The following NIPAL3 variants were observed in gnomAD, a reference collection of about 807,000 sequenced individuals.
The protein encoded by NIPAL3 is NIPA like domain containing 3.
A neutral mutation model predicts 47.2 loss-of-function variants in NIPAL3; 41 were observed. That is an observed-to-expected ratio of 0.87 (90% confidence interval 0.68 to 1.13). NIPAL3 has a LOEUF of 1.13. NIPAL3 is among the 50% of genes most tolerant of loss of function. NIPAL3 has a pLI of 0.00. For synonymous variants in NIPAL3, 194 were observed against 209.6 expected, an observed-to-expected ratio of 0.93 and a Z score of 0.64; for missense variants, 449 against 530.1, an observed-to-expected ratio of 0.85 and a Z score of 1.50.
chr1:24,428,736 G>A (rs1644744393), intron 2 of NIPAL3, among the ~76,000 whole-genome samples: 1 of 152,170 alleles, frequency 6.6e-6, no homozygotes, highest in South Asian at 2.1e-4. Context: ...TTGATTTTCA[G>A]CGAACCTTCC....
rs756451494 is a variant in NIPAL3 at position 24,419,498 on chromosome 1, G to A, written c.-50G>A. On this transcript the variant is annotated 5_prime_UTR_variant, in exon 2 of 12. Coordinates refer to ENST00000374399, the MANE Select transcript of NIPAL3 (RefSeq NM_020448.5). ...CATCTGGCCTGGGCCCCGCCTAGCA[G>A]CAGCTCCACCTCCTAGGCCAGGCCC... The A allele has an allele frequency of 3.3e-6, 5 of 1,526,232 alleles. No homozygotes were observed. The highest frequency in any genetic ancestry group is 1.2e-5 in the South Asian group (1 of 80,814). The allele number at this position is 1,526,232 out of a possible 1,614,324, so 94.5% of individuals were successfully genotyped here.
intron 5 of NIPAL3, among the ~76,000 whole-genome samples, chr1:24,446,517 A>T (rs1645674328): frequency 6.6e-6 from 1 of 151,048 alleles, no homozygotes; most frequent in Non-Finnish European, 1.5e-5. Context: ...TAAAGTGAGG[A>T]CATGCAGTAT....
chr1:24,455,333 G>C (rs1357777194), intron 7 of NIPAL3, among the ~76,000 whole-genome samples: 1 of 152,234 alleles, frequency 6.6e-6, no homozygotes. Flanking sequence ...GGTACACAGA[G>C]AGAATATTAG....
At position 24,460,496 on chromosome 1, in the gene NIPAL3, T is replaced by G. The variant is rs574811384; in HGVS notation, c.878T>G (p.Leu293Arg). Residue 293 changes from leucine to arginine, a missense_variant, in exon 10 of 12, where the codon CTG (leucine) becomes CGG (arginine). By Grantham distance (102) the Leu-to-Arg change is moderately radical. Transcript: ENST00000374399. ...GCTGCTGCAGGTGCAATATTTTACCTGGACTTCATCGGGGAGGACGTGCTG... is the reference window on the plus strand; with the variant it reads ...GCTGCTGCAGGTGCAATATTTTACCGGGACTTCATCGGGGAGGACGTGCTG... Reference protein sequence around the residue: ...IAITAGAIFYLDFIGEDVLHI... With the variant: ...IAITAGAIFYRDFIGEDVLHI... The G allele has an allele frequency of 6.3e-7, 1 of 1,587,648 alleles. No individual in the cohort carries two copies. The highest frequency in any genetic ancestry group is 8.5e-7 in the Non-Finnish European group (1 of 1,169,864).
intron 9 of NIPAL3, among the ~76,000 whole-genome samples, chr1:24,460,165 T>C (rs1483173352): frequency 6.6e-6 from 1 of 152,200 alleles, no homozygotes; most frequent in Non-Finnish European, 1.5e-5. Flanking sequence ...GATTATGCAC[T>C]GTGGTTATGG....
Position 24,472,812 on chromosome 1 carries a change from T to C in NIPAL3, c.*3627T>C, listed in dbSNP as rs927477757. 6.6e-6 allele frequency: 1 copy of C among 152,168 alleles called. No homozygotes were observed. Among genetic ancestry groups the C allele is most frequent in the Non-Finnish European group, 1.5e-5 (1 of 68,032 alleles). The allele number at this position is 152,168 out of a possible 1,614,324, so 9.4% of individuals were successfully genotyped here. ...AGGCAGACAAAAGGTTACTTGTGTG[T>C]TTCTCTGAGAAGCGGTGTAAATGAA... On this transcript the variant is annotated 3_prime_UTR_variant, in exon 12 of 12. Transcript: ENST00000374399.
At position 24,442,167 on chromosome 1, in the gene NIPAL3, C is replaced by T; in HGVS notation, c.275C>T (p.Ala92Val). ...CTTCTGGGCGAGCTGGGTGTGTTCG[C>T]CTCCTACGCCTTCGCGCCGCTGTCA... ...LMLLGELGVF[A>V]SYAFAPLSLI... The change falls in exon 4 of 12, where the codon GCC becomes GTC. Residue 92 changes from alanine to valine, a missense_variant. Physicochemically the swap from Ala to Val is moderately conservative, Grantham distance 64. Coordinates refer to ENST00000374399, the MANE Select transcript of NIPAL3 (RefSeq NM_020448.5). The T allele has an allele frequency of 6.2e-7, 1 of 1,614,196 alleles. No homozygotes were observed. Among genetic ancestry groups the T allele is most frequent in the Non-Finnish European group, 8.5e-7 (1 of 1,180,022 alleles).
chr1:24,449,605 C>G lies in NIPAL3; in HGVS notation c.519C>G (p.Ser173Arg). The G allele has an allele frequency of 6.2e-7, 1 of 1,613,746 alleles. No homozygotes were observed. Among genetic ancestry groups the G allele is most frequent in the Non-Finnish European group, 8.5e-7 (1 of 1,179,968 alleles). ...TGENVTRHLV[S>R]WPFLLYMLVE... ...AGAATGTCACCAGGCACCTCGTGAG[C>G]TGGCCTTTCCTTTTGTACATGGTAA... The change falls in exon 6 of 12, where the codon AGC becomes AGG. Residue 173 changes from serine (S) to arginine (R), a missense_variant. By Grantham distance (110) the Ser-to-Arg change is moderately radical (BLOSUM62 -1). Transcript: ENST00000374399. The surrounding 1 kb of genome is among the most constrained non-coding windows in gnomAD (Gnocchi z 4.5).
chr1:24,432,373 C>T (rs1340326450), intron 2 of NIPAL3, among the ~76,000 whole-genome samples: 3 of 152,048 alleles, frequency 2.0e-5, no homozygotes, highest in Admixed American at 6.5e-5. Flanking sequence ...GTGATCTGCC[C>T]GCCTCAACCT....
chr1:24,452,369 C>A lies in NIPAL3; in HGVS notation c.541-1039C>A, dbSNP rs186165078. Among the ~76,000 whole-genome samples, 201 of 152,308 alleles carry A rather than the reference C, an allele frequency of 1.3e-3. 2 individuals are homozygous for A. Among genetic ancestry groups the A allele is most frequent in the African/African-American group, 4.6e-3 (191 of 41,554 alleles). ...CTGTCCAGGTTTAAATTCCTCTGTG[C>A]CACGCCATCGTGGTAGTACCTGCTT... On this transcript the variant is annotated intron_variant, in intron 6 of 11. Transcript: ENST00000374399.
intron 8 of NIPAL3, chr1:24,457,949 C>T (rs928752888): frequency 1.2e-5 from 5 of 427,240 alleles, no homozygotes; most frequent in Non-Finnish European, 2.4e-5. Context: ...AGTCAAAGGC[C>T]CTGTGCTGAG....
intron 7 of NIPAL3, among the ~76,000 whole-genome samples, chr1:24,455,387 A>G (rs1188439909): frequency 6.6e-6 from 1 of 152,252 alleles, no homozygotes; most frequent in Non-Finnish European, 1.5e-5. Context: ...ATATTCCTGT[A>G]CAAATTTTAT....
chr1:24,445,214 A>G lies in NIPAL3; in HGVS notation c.364A>G (p.Lys122Glu). ...ASAIIGIIFI[K>E]EKWKPKDFLR... is the part of the protein sequence containing the mutation. Reference sequence around the variant, plus strand: ...TGCCATCATAGGAATCATATTCATCAAGGAAAAGTGGAAACCGAAAGACTT... The same window carrying G: ...TGCCATCATAGGAATCATATTCATCGAGGAAAAGTGGAAACCGAAAGACTT... Residue 122 changes from lysine (K) to glutamate (E), a missense_variant, in exon 5 of 12, where the codon AAG (lysine) becomes GAG (glutamate). By Grantham distance (56) the Lys-to-Glu change is moderately conservative (BLOSUM62 1). Transcript: ENST00000374399. 1 of 1,612,820 alleles carries G rather than the reference A, an allele frequency of 6.2e-7. No individual in the cohort carries two copies. The highest frequency in any genetic ancestry group is 8.5e-7 in the Non-Finnish European group (1 of 1,178,840).
chr1:24,452,232 AG>A (rs1258319650), intron 6 of NIPAL3, among the ~76,000 whole-genome samples: 1 of 152,152 alleles, frequency 6.6e-6, no homozygotes, highest in African/African-American at 2.4e-5. Flanking sequence ...TGTTGATGCA[AG>A]GAGGGGGAGC....
intron 2 of NIPAL3, among the ~76,000 whole-genome samples, chr1:24,429,209 A>G (rs1047686148): frequency 6.6e-6 from 1 of 152,176 alleles, no homozygotes; most frequent in Non-Finnish European, 1.5e-5. Context: ...CAGGAGTTTG[A>G]GACCAGCCTG....
chr1:24,468,188 A>T (rs1453022943), intron 11 of NIPAL3, among the ~76,000 whole-genome samples: 1 of 151,952 alleles, frequency 6.6e-6, no homozygotes, highest in Admixed American at 6.6e-5. Flanking sequence ...GGTGGCATGC[A>T]CCTGTAGTAC....
chr1:24,466,128 C>A, intron 11 of NIPAL3: 1 of 1,581,124 alleles, frequency 6.3e-7, no homozygotes, highest in African/African-American at 1.3e-5. Context: ...AAAATGAGAT[C>A]GAGAAACAGC....
Position 24,456,373 on chromosome 1 carries a change from C to G in NIPAL3, c.773+100C>G, listed in dbSNP as rs940381724. On this transcript the variant is annotated intron_variant, in intron 8 of 11. Coordinates refer to ENST00000374399, the MANE Select transcript of NIPAL3 (RefSeq NM_020448.5). Reference sequence around the variant, plus strand: ...CTGTGAAGCCACAAGGAGGCCAGAACATGCCCCAGGGCCTGGCATCCAGCA... The same window carrying G: ...CTGTGAAGCCACAAGGAGGCCAGAAGATGCCCCAGGGCCTGGCATCCAGCA... 1.5e-5 allele frequency: 22 copies of G among 1,515,680 alleles called. No homozygotes were observed. In the African/African-American group the frequency reaches 2.7e-4, roughly 19 times the overall value. The allele number at this position is 1,515,680 out of a possible 1,614,324, so 93.9% of individuals were successfully genotyped here. A position where few individuals can be genotyped will look rare whatever the true frequency, so the allele number is the denominator to read the frequency against.
chr1:24,419,943 G>A (rs7534055), intron 2 of NIPAL3: 28,846 of 271,198 alleles, frequency 0.11, 1,698 homozygotes, highest in African/African-American at 0.13. Context: ...TTGGCTGGGC[G>A]TGGTGGTGCC....
Sources: gnomAD v4.1 joint callset for allele counts (sites outside exome capture counted in the v4.1 genomes callset) on GRCh38, gnomAD v4.1.1 for gene constraint, Gnocchi (gnomAD v3.1) non-coding constraint, MANE v1.5 for transcripts, NCBI Gene and HGNC (gene_info 2026-07-23, HGNC 2026-07-21) for gene names.